Variants in SHTN1 observed in about 807,000 individuals in gnomAD.
SHTN1 encodes the protein shootin-1.
Under a neutral mutation model 83.1 loss-of-function variants are expected in SHTN1, and 42 were observed. The ratio of observed to expected loss-of-function variants is 0.51; its 90% confidence interval spans 0.39 to 0.65. SHTN1 has a LOEUF of 0.65. Ranked by LOEUF, SHTN1 falls within the 30% of genes least tolerant of loss-of-function variation. SHTN1 has a pLI of 0.00. For missense variants in SHTN1, 622 were observed against 737.8 expected (o/e 0.84, Z 1.82); for synonymous variants, 224 against 247.7 (o/e 0.90, Z 0.90).
chr10:117,070,934 T>C (rs552592555), intron 1 of SHTN1, among the ~76,000 whole-genome samples: 3 of 152,098 alleles, frequency 2.0e-5, no homozygotes, highest in East Asian at 1.9e-4. Context: ...CCTGTAGCAG[T>C]TGCATAGATG....
intron 1 of SHTN1, among the ~76,000 whole-genome samples, chr10:117,078,669 T>C (rs1853201516): frequency 6.6e-6 from 1 of 152,142 alleles, no homozygotes; most frequent in East Asian, 1.9e-4. Flanking sequence ...AGACCACTAG[T>C]AGGAGTGCTT....
At chr10:116,888,560 CACA>C (rs1847235795) in intron 16 of SHTN1, among the ~76,000 whole-genome samples, 1 of 152,186 alleles carries the variant, frequency 6.6e-6, no homozygotes, top group Non-Finnish European at 1.5e-5. Context: ...ATCTCTCTCT[CACA>C]AGCACCAATC....
At chr10:117,124,211 CAAA>C (rs779250492) in intron 1 of SHTN1, among the ~76,000 whole-genome samples, 1 of 65,900 alleles carries the variant, frequency 1.5e-5, no homozygotes. Flanking sequence ...GATTATGTCT[CAAA>C]AAAAAAAAAA....
chr10:116,961,814 TC>T (rs1740154112), intron 3 of SHTN1, among the ~76,000 whole-genome samples: 1 of 152,198 alleles, frequency 6.6e-6, no homozygotes, highest in Non-Finnish European at 1.5e-5. Context: ...CTGCTCAAGA[TC>T]ATTTCAACTG....
At chr10:117,033,048 G>A (rs1444751171) in intron 2 of SHTN1, among the ~76,000 whole-genome samples, 1 of 152,046 alleles carries the variant, frequency 6.6e-6, no homozygotes, top group African/African-American at 2.4e-5. Flanking sequence ...GCATTTCCAA[G>A]AAGGAAATTT....
Position 117,053,531 on chromosome 10 carries a change from T to G in SHTN1, c.-188-5021A>C, listed in dbSNP as rs1006154156. ...AAAAGATACTCAACATCATTAGTCA[T>G]CAGGGAAATTCAAAATAAAACTACA... is the stretch of plus-strand genomic sequence containing the variant. On this transcript the variant is annotated intron_variant, in intron 1 of 17. Transcript: ENST00000392901. Among the ~76,000 whole-genome samples the G allele has an allele frequency of 3.3e-5, 5 of 152,288 alleles. No individual in the cohort carries two copies. In the East Asian group the frequency reaches 7.7e-4, roughly 23 times the overall value.
chr10:117,015,316 G>T (rs561086007), intron 2 of SHTN1, among the ~76,000 whole-genome samples: 1 of 151,858 alleles, frequency 6.6e-6, no homozygotes, highest in Non-Finnish European at 1.5e-5. Flanking sequence ...TGTTTGTTTT[G>T]GTTTTTTGTT....
rs1292490694 is a variant in SHTN1, at chr10:116,884,875, G to C, written c.*1469C>G. 1.3e-5 allele frequency: 2 copies of C among 153,796 alleles called. No individual in the cohort carries two copies. Among genetic ancestry groups the C allele is most frequent in the East Asian group, 3.8e-4 (2 of 5,202 alleles). The allele number at this position is 153,796 out of a possible 1,614,324, so 9.5% of individuals were successfully genotyped here. ...TACAGCATAACAGAATTCGTTTCGT[G>C]AATTAATGCAGTCTGTAGTAAGCAT... is the stretch of plus-strand genomic sequence containing the variant. On this transcript the variant is annotated 3_prime_UTR_variant, in exon 17 of 17. Coordinates refer to ENST00000355371, the MANE Select transcript of SHTN1 (RefSeq NM_001127211.3).
At chr10:117,042,365 A>T (rs552222176) in intron 2 of SHTN1, among the ~76,000 whole-genome samples, 1 of 152,270 alleles carries the variant, frequency 6.6e-6, no homozygotes, top group South Asian at 2.1e-4. Context: ...ATGGTGCTCA[A>T]GTCTGAGGTT....
At chr10:116,967,744 T>G (rs1850449101) in intron 3 of SHTN1, among the ~76,000 whole-genome samples, 1 of 152,214 alleles carries the variant, frequency 6.6e-6, no homozygotes, top group African/African-American at 2.4e-5. Context: ...TCAGGAACTA[T>G]TTAGATTACT....
chr10:117,068,305 G>A (rs141296137), intron 1 of SHTN1, among the ~76,000 whole-genome samples: 3,596 of 152,176 alleles, frequency 0.024, 130 homozygotes, highest in East Asian at 0.12. Flanking sequence ...CAGGAGAATC[G>A]CTTGAACCCA....
intron 2 of SHTN1, among the ~76,000 whole-genome samples, chr10:117,010,600 A>G (rs1182162108): frequency 1.3e-5 from 2 of 152,212 alleles, no homozygotes; most frequent in Admixed American, 1.3e-4. Context: ...TTTCTGTGAT[A>G]CCAAAGCCAG....
chr10:116,961,869 AT>A (rs1156795556), intron 3 of SHTN1, among the ~76,000 whole-genome samples: 1 of 152,224 alleles, frequency 6.6e-6, no homozygotes, highest in Non-Finnish European at 1.5e-5. Context: ...GACAGACGGC[AT>A]AATGGTATCA....
intron 2 of SHTN1, among the ~76,000 whole-genome samples, chr10:117,031,610 G>C (rs1852417271): frequency 6.6e-6 from 1 of 152,130 alleles, no homozygotes; most frequent in African/African-American, 2.4e-5. Context: ...GGGGGATAGA[G>C]TCTGTAGTTT....
At chr10:117,102,867 A>G (rs987313224) in intron 1 of SHTN1, among the ~76,000 whole-genome samples, 2 of 152,194 alleles carry the variant, frequency 1.3e-5, no homozygotes, top group East Asian at 3.9e-4. Flanking sequence ...TGGACTCAGC[A>G]TAACTACTGG....
chr10:116,943,713 T>C (rs1849469290), intron 8 of SHTN1, among the ~76,000 whole-genome samples: 1 of 152,170 alleles, frequency 6.6e-6, no homozygotes, highest in African/African-American at 2.4e-5. Context: ...CACAAAACCA[T>C]CATTGGATTT....
intron 1 of SHTN1, among the ~76,000 whole-genome samples, chr10:117,075,799 T>C (rs1281048994): frequency 6.6e-6 from 1 of 152,042 alleles, no homozygotes; most frequent in East Asian, 1.9e-4. Context: ...AACAATCATG[T>C]AAGGAGGAAA....
At chr10:116,908,742 C>T (rs1276833941) in intron 14 of SHTN1, among the ~76,000 whole-genome samples, 1 of 152,270 alleles carries the variant, frequency 6.6e-6, no homozygotes, top group East Asian at 1.9e-4. Flanking sequence ...ATGTATCTTT[C>T]ACAGTAATTT....
intron 1 of SHTN1, chr10:117,048,589 G>A (rs1014068629): frequency 2.7e-5 from 12 of 440,176 alleles, no homozygotes; most frequent in Admixed American, 6.4e-5. Flanking sequence ...CATATTAAAC[G>A]TGCAACTCTG....
Sources: allele counts gnomAD v4.1 joint callset (sites outside exome capture counted in the v4.1 genomes callset), GRCh38; gene constraint gnomAD v4.1.1; transcripts MANE v1.5; gene names NCBI Gene and HGNC (gene_info 2026-07-23, HGNC 2026-07-21).